The following DNAH10 variants were observed in gnomAD, a reference collection of about 807,000 sequenced individuals.
The protein encoded by DNAH10 is dynein axonemal heavy chain 10, also known as axonemal beta dynein heavy chain 10.
In DNAH10, 348 loss-of-function variants were observed where a neutral mutation model predicts 506.6. The ratio of observed to expected loss-of-function variants is 0.69; its 90% CI spans 0.63 to 0.75. DNAH10 has a LOEUF of 0.75. Among genes scored for constraint, DNAH10 ranks in the 30% least tolerant of loss-of-function variants. The pLI, the probability that DNAH10 is intolerant of heterozygous loss-of-function variation, is 0.00. For synonymous variants in DNAH10, 2,059 were observed against 2,198.6 expected (o/e 0.94, Z 1.78); for missense variants, 5,179 against 5,787.1 (o/e 0.89, Z 3.41).
Position 123,919,025 on chromosome 12 carries a change from G to T in DNAH10, c.11506+76G>T. 7.0e-7 allele frequency: 1 copy of T among 1,430,046 alleles called. No homozygotes were observed. Among genetic ancestry groups the T allele is most frequent in the Non-Finnish European group, 9.2e-7 (1 of 1,082,822 alleles). The allele number at this position is 1,430,046 out of a possible 1,614,324, so 88.6% of individuals were successfully genotyped here. A position where few individuals can be genotyped will look rare whatever the true frequency, so the allele number is the denominator to read the frequency against. The stretch of plus-strand genomic sequence containing the variant: ...ACGTGGCTTTAAGGAAACGTGATCT[G>T]TGAAAATGGAAAGTTACCAAATAGC... On this transcript the variant is annotated intron_variant, in intron 65 of 78. Transcript: ENST00000673944. This position sits in a 1 kb window ranked among gnomAD's most constrained non-coding sequence, Gnocchi z 4.9.
chr12:123,930,659 G>T, intron 73 of DNAH10, 86 bp downstream of exon 73: 2 of 1,480,052 alleles, frequency 1.4e-6, no homozygotes, highest in Non-Finnish European at 1.8e-6. Context: ...TCCTGGTGGG[G>T]GCTCCTCGGC....
rs1954491633 is a variant in DNAH10 at position 123,916,612 on chromosome 12, T to G, written c.10878T>G (p.Phe3626Leu). The G allele has an allele frequency of 1.2e-6, 2 of 1,613,902 alleles. No homozygotes were observed. Among genetic ancestry groups the G allele is most frequent in the South Asian group, 2.2e-5 (2 of 91,076 alleles). The change falls in exon 63 of 79, where the codon TTT becomes TTG. Residue 3626 changes from phenylalanine to leucine, a missense_variant. Phe to Leu is a conservative substitution (Grantham distance 22). Transcript: ENST00000673944. The surrounding 1 kb of genome is among the most constrained non-coding windows in gnomAD (Gnocchi z 4.6). Reference protein sequence around the residue: ...KNIKVSQGRQFIILGDKEVDY... With the variant: ...KNIKVSQGRQLIILGDKEVDY... The stretch of plus-strand genomic sequence containing the variant: ...TAAAAGTCTCCCAAGGACGGCAGTT[T>G]ATTATCCTGGGAGACAAGGAAGTGG...
Position 123,850,658 on chromosome 12 carries a change from C to T in DNAH10, c.6103-230C>T, listed in dbSNP as rs1951121435. On this transcript the variant is annotated intron_variant, in intron 34 of 78. Coordinates refer to ENST00000673944, the MANE Select transcript of DNAH10 (RefSeq NM_001372106.1). This position sits in a 1 kb window ranked among gnomAD's most constrained non-coding sequence, Gnocchi z 5.5. ...CCTGGGCCCCTTCTCCAAGGTAGTG[C>T]CCTGGGTTCAGGTCTGAGTTTGGGG... Among the ~76,000 whole-genome samples, 1 of 152,188 alleles carries T rather than the reference C, an allele frequency of 6.6e-6. No individual in the cohort carries two copies. The highest frequency in any genetic ancestry group is 2.1e-4 in the South Asian group (1 of 4,832).
At chr12:123,861,346 G>T (rs935880710) in intron 39 of DNAH10, among the ~76,000 whole-genome samples, 176 bp downstream of exon 39, 1 of 152,216 alleles carries the variant, frequency 6.6e-6, no homozygotes, top group Non-Finnish European at 1.5e-5. Context: ...TGCTTTTTAT[G>T]TGTGACCTCA....
At chr12:123,890,453 C>A (rs1332045889) in intron 52 of DNAH10, among the ~76,000 whole-genome samples, 16 of 149,472 alleles carry the variant, frequency 1.1e-4, no homozygotes, top group African/African-American at 2.5e-4. Context: ...AAAAAAAAAA[C>A]ACACTTTTTT....
chr12:123,802,885 T>G (rs971025897), intron 16 of DNAH10, among the ~76,000 whole-genome samples: 17 of 152,110 alleles, frequency 1.1e-4, no homozygotes, highest in African/African-American at 4.1e-4. Flanking sequence ...CAGCAACACG[T>G]CTTTTTATGT....
rs1256517080 is a variant in DNAH10 at position 123,887,461 on chromosome 12, G to C, written c.8995+148G>C. 1.7e-5 allele frequency: 16 copies of C among 934,624 alleles called. No individual in the cohort carries two copies. The East Asian group carries it at 4.1e-4, about 24-fold the overall frequency. The allele number at this position is 934,624 out of a possible 1,614,324, so 57.9% of individuals were successfully genotyped here. ...TCCCTCACGGCGGCCCCTGAGATAG[G>C]TCTCATTATCTTCCTTGGCTCCTCC... On this transcript the variant is annotated intron_variant, in intron 52 of 78. Coordinates refer to ENST00000673944, the MANE Select transcript of DNAH10 (RefSeq NM_001372106.1).
Position 123,918,770 on chromosome 12 carries a change from T to C in DNAH10, c.11327T>C (p.Leu3776Pro). 1 of 1,612,558 alleles carries C rather than the reference T, an allele frequency of 6.2e-7. No individual in the cohort carries two copies. The highest frequency in any genetic ancestry group is 1.1e-5 in the South Asian group (1 of 90,942). The change falls in exon 65 of 79, where the codon CTG (leucine) becomes CCG (proline). Residue 3776 changes from leucine (L) to proline (P), a missense_variant. By Grantham distance (98) the Leu-to-Pro change is moderately conservative. Transcript: ENST00000673944. ...CCAGCAGCCAGGAGGGGGGCCATCC[T>C]GTTCTTCGTCCTGTCTGAGATGGCC... ...YRPAARRGAILFFVLSEMALV... is the reference protein window; with the variant it reads ...YRPAARRGAIPFFVLSEMALV...
chr12:123,774,443 C>T (rs1338242110), intron 5 of DNAH10, among the ~76,000 whole-genome samples, 179 bp downstream of exon 5: 2 of 152,160 alleles, frequency 1.3e-5, no homozygotes, highest in Non-Finnish European at 2.9e-5. Flanking sequence ...AAATTAAAGA[C>T]ACACACACAG....
rs368694326 is a variant in DNAH10, at chr12:123,774,696, T to C, written c.621+432T>C. On this transcript the variant is annotated intron_variant, in intron 5 of 78. Coordinates refer to ENST00000673944, the MANE Select transcript of DNAH10 (RefSeq NM_001372106.1). ...TTAAGGCATAAATCGCTCATGCTATTGCCTGTGGCTTAAGAATGGCTTTCA... is the reference window on the plus strand; with the variant it reads ...TTAAGGCATAAATCGCTCATGCTATCGCCTGTGGCTTAAGAATGGCTTTCA... Among the ~76,000 whole-genome samples, 71 of 152,372 alleles carry C rather than the reference T, an allele frequency of 4.7e-4. No homozygotes were observed. In the South Asian group the frequency reaches 0.014, roughly 29 times the overall value.
chr12:123,801,966 G>C (rs1232001419), intron 16 of DNAH10, among the ~76,000 whole-genome samples: 1 of 152,100 alleles, frequency 6.6e-6, no homozygotes, highest in East Asian at 1.9e-4. Flanking sequence ...CTGTAATGTT[G>C]TCATTTCAGA....
intron 52 of DNAH10, among the ~76,000 whole-genome samples, chr12:123,892,424 T>TGA (rs1171931195): frequency 6.6e-6 from 1 of 152,184 alleles, no homozygotes; most frequent in Non-Finnish European, 1.5e-5. Context: ...AAACCATCCA[T>TGA]GAGAGATCTG....
At chr12:123,877,062 G>A (rs1423072093) in intron 47 of DNAH10, among the ~76,000 whole-genome samples, 1 of 152,152 alleles carries the variant, frequency 6.6e-6, no homozygotes. Flanking sequence ...CATCAGCAAC[G>A]TCTAACCCCA....
Position 123,857,127 on chromosome 12 carries a change from C to G in DNAH10, c.6510C>G (p.Phe2170Leu). 1.2e-6 allele frequency: 2 copies of G among 1,612,742 alleles called. No homozygotes were observed. The highest frequency in any genetic ancestry group is 1.7e-6 in the Non-Finnish European group (2 of 1,179,382). ...PKFVFEDVPL[F>L]LGLISDLFPG... ...TTGTGTTTGAAGATGTTCCTCTTTTCCTTGGTTTGATTTCGGATCTGTTTC... is the reference window on the plus strand; with the variant it reads ...TTGTGTTTGAAGATGTTCCTCTTTTGCTTGGTTTGATTTCGGATCTGTTTC... Residue 2170 changes from phenylalanine to leucine, a missense_variant, in exon 37 of 79, where the codon TTC (phenylalanine) becomes TTG (leucine). This residue lies in a region of DNAH10 where 4,844 missense variants were observed against 5,430.5 expected (regional missense o/e 0.89). Transcript: ENST00000673944.
chr12:123,917,764 A>G lies in DNAH10; in HGVS notation c.11183A>G (p.Asn3728Ser), dbSNP rs1206754185. 4 of 1,576,932 alleles carry G rather than the reference A, an allele frequency of 2.5e-6. No homozygotes were observed. Among genetic ancestry groups the G allele is most frequent in the South Asian group, 1.2e-5 (1 of 85,386 alleles). The change falls in exon 64 of 79, where the codon AAT (asparagine) becomes AGT (serine). Residue 3728 changes from asparagine (N) to serine (S), a missense_variant. Around this residue, in one of 3 missense-constraint regions of DNAH10, gnomAD observed 4,844 missense variants for 5,430.5 expected, o/e 0.89. Transcript: ENST00000673944. The surrounding 1 kb of genome is among the most constrained non-coding windows in gnomAD (Gnocchi z 5.6). ...LATSTGNMLD[N>S]VDLVHTLEET... is the part of the protein sequence containing the mutation. ...ACGTCCACGGGGAACATGCTGGACA[A>G]TGTGGACCTGGTGCACACCCTGGAG...
intron 28 of DNAH10, 135 bp from the exon 29 acceptor site, chr12:123,838,321 C>T: frequency 1.5e-6 from 1 of 680,366 alleles, no homozygotes; most frequent in Non-Finnish European, 2.5e-6. Context: ...CCCTGAAAGC[C>T]AATGGCACTG....
intron 18 of DNAH10, among the ~76,000 whole-genome samples, chr12:123,807,283 G>A (rs2136311501): frequency 6.6e-6 from 1 of 152,152 alleles, no homozygotes; most frequent in South Asian, 2.1e-4. Context: ...ATTAGACTCT[G>A]GTCACAGACA....
chr12:123,867,956 C>A lies in DNAH10; in HGVS notation c.7356C>A (p.Asp2452Glu). Residue 2452 changes from aspartate to glutamate, a missense_variant, in exon 43 of 79, where the codon GAC becomes GAA. Asp to Glu is a conservative substitution (Grantham distance 45). This residue lies in a region of DNAH10 where 4,844 missense variants were observed against 5,430.5 expected (regional missense o/e 0.89). Transcript: ENST00000673944. ...LDALLEGEIEDLDLLECYFLE... is the reference protein window; with the variant it reads ...LDALLEGEIEELDLLECYFLE... ...CGTTGCTAGAAGGAGAAATAGAAGA[C>A]CTTGACCTGCTGGAGTGCTACTTCC... is the stretch of plus-strand genomic sequence containing the variant. 2 of 1,613,918 alleles carry A rather than the reference C, an allele frequency of 1.2e-6. No individual in the cohort carries two copies. Among genetic ancestry groups the A allele is most frequent in the Non-Finnish European group, 1.7e-6 (2 of 1,179,876 alleles).
chr12:123,816,533 CA>C lies in DNAH10; in HGVS notation c.3781-2416del, dbSNP rs1449997248. 3.9e-5 allele frequency among the ~76,000 whole-genome samples: 6 copies of C among 152,312 alleles called. No homozygotes were observed. In the East Asian group the frequency reaches 1.2e-3, roughly 29 times the overall value. On this transcript the variant is annotated intron_variant, in intron 21 of 78. Coordinates refer to ENST00000673944, the MANE Select transcript of DNAH10 (RefSeq NM_001372106.1). ...GGAGGCTCTGTGCACCCCCCAACCC[CA>C]TACCTTAGCTTATGCGTCTCTTTCG...
Sources: allele counts gnomAD v4.1 joint callset (sites outside exome capture counted in the v4.1 genomes callset), GRCh38; gene constraint gnomAD v4.1.1; regional missense constraint gnomAD v4.1.1; non-coding constraint Gnocchi (gnomAD v3.1); transcripts MANE v1.5; gene names NCBI Gene and HGNC (gene_info 2026-07-23, HGNC 2026-07-21).